The following SETDB1 variants were observed in gnomAD, a reference collection of about 807,000 sequenced individuals.
SETDB1 encodes the protein SET domain bifurcated histone lysine methyltransferase 1, also known as histone-lysine N-methyltransferase SETDB1.
A neutral mutation model predicts 137.4 loss-of-function variants in SETDB1; 31 were observed. That is an observed-to-expected ratio of 0.23 (90% CI 0.17 to 0.30). SETDB1 has a LOEUF of 0.30. Ranked by LOEUF, SETDB1 falls within the 10% of genes least tolerant of loss-of-function variation. The pLI, the probability that SETDB1 is intolerant of heterozygous loss-of-function variation, is 1.00. For missense variants in SETDB1, 1,113 were observed against 1,631.5 expected, an observed-to-expected ratio of 0.68 and a Z score of 5.47; for synonymous variants, 548 against 579.9, an observed-to-expected ratio of 0.95 and a Z score of 0.79.
chr1:150,954,133 C>T (rs993039865), intron 14 of SETDB1, among the ~76,000 whole-genome samples: 3 of 152,124 alleles, frequency 2.0e-5, no homozygotes, highest in African/African-American at 2.4e-5. Flanking sequence ...GGATTACAGG[C>T]GTGAGCCACC....
rs1670932268 is a variant in SETDB1, at chr1:150,964,579, A to G, written c.*215A>G. The G allele has an allele frequency of 7.2e-6, 5 of 693,476 alleles. No homozygotes were observed. The highest frequency in any genetic ancestry group is 1.3e-5 in the Non-Finnish European group (5 of 379,744). 43.0% of individuals were successfully genotyped at this position (693,476 alleles called of 1,614,324 possible). On this transcript the variant is annotated 3_prime_UTR_variant, in exon 22 of 22. Coordinates refer to ENST00000692827, the MANE Select transcript of SETDB1 (RefSeq NM_001366418.1). The stretch of plus-strand genomic sequence containing the variant: ...TCCAAAGGCCCTAAAGGGTGGGGAG[A>G]GATCACCACTCTAACCTCGGCCTGA...
intron 4 of SETDB1, among the ~76,000 whole-genome samples, chr1:150,940,885 C>T (rs1670120201): frequency 6.6e-6 from 1 of 152,054 alleles, no homozygotes; most frequent in South Asian, 2.1e-4. Context: ...GTAGTCCCAG[C>T]TGCTTTGGAG....
At chr1:150,939,251 A>ATTTTT (rs71580343) in intron 3 of SETDB1, among the ~76,000 whole-genome samples, 1 of 107,186 alleles carries the variant, frequency 9.3e-6, no homozygotes. Flanking sequence ...TGCACCCAGC[A>ATTTTT]TTTTTTTTTT....
intron 2 of SETDB1, among the ~76,000 whole-genome samples, chr1:150,929,363 T>A (rs587619351): frequency 1.4e-4 from 21 of 149,088 alleles, no homozygotes; most frequent in African/African-American, 2.7e-4. Flanking sequence ...AGCATTTTTT[T>A]ATTTTATTTT....
chr1:150,960,963 C>T lies in SETDB1; in HGVS notation c.2904C>T (p.Gly968=). ...IPVPPSIPVG[G]CNPPSSEETP... ...TTCCTCCCTCAATCCCTGTAGGTGG[C>T]TGCAATCCACCTTCCTCCGAAGAGA... Residue 968 remains glycine (G), a synonymous_variant, in exon 16 of 22, where the codon GGC becomes GGT. Coordinates refer to ENST00000692827, the MANE Select transcript of SETDB1 (RefSeq NM_001366418.1). The T allele has an allele frequency of 3.1e-6, 5 of 1,614,000 alleles. No individual in the cohort carries two copies. The highest frequency in any genetic ancestry group is 4.2e-6 in the Non-Finnish European group (5 of 1,179,972).
At position 150,963,758 on chromosome 1, in the gene SETDB1, C is replaced by G. The variant is rs774489923; in HGVS notation, c.3672+17C>G. The stretch of plus-strand genomic sequence containing the variant: ...TACCTCAACGTGAGACCCCTCTCCC[C>G]ACCTCTAGATGCTGGATTATCCCAT... On this transcript the variant is annotated intron_variant, in intron 20 of 21. Transcript: ENST00000692827. 1.1e-5 allele frequency: 18 copies of G among 1,610,270 alleles called. No individual in the cohort carries two copies. The highest frequency in any genetic ancestry group is 1.4e-5 in the Non-Finnish European group (17 of 1,176,538).
chr1:150,926,852 T>C (rs1669540784), intron 1 of SETDB1: 1 of 533,138 alleles, frequency 1.9e-6, no homozygotes. Context: ...CTCTGTACTT[T>C]GGGGGAAACC....
chr1:150,933,291 C>T (rs1669824000), intron 3 of SETDB1, among the ~76,000 whole-genome samples: 1 of 151,698 alleles, frequency 6.6e-6, no homozygotes, highest in Admixed American at 6.6e-5. Flanking sequence ...AACTCCTGAG[C>T]TCAGGCAATC....
At chr1:150,938,212 T>C (rs773484785) in intron 3 of SETDB1, among the ~76,000 whole-genome samples, 40 of 72,668 alleles carry the variant, frequency 5.5e-4, no homozygotes, top group Non-Finnish European at 9.4e-4. Context: ...AGAGCAAGAT[T>C]CCATCTCAAA....
At position 150,949,363 on chromosome 1, in the gene SETDB1, C is replaced by G; in HGVS notation, c.1425-4C>G. ...ACTATATGCCCTCTTCTCTAATCTCCTAGAAGCTTGGAAAGCCAGCTTGCC... is the reference window on the plus strand; with the variant it reads ...ACTATATGCCCTCTTCTCTAATCTCGTAGAAGCTTGGAAAGCCAGCTTGCC... On this transcript the variant is annotated splice_region_variant and splice_polypyrimidine_tract_variant and intron_variant, in intron 11 of 21. Coordinates refer to ENST00000692827, the MANE Select transcript of SETDB1 (RefSeq NM_001366418.1). 6.2e-7 allele frequency: 1 copy of G among 1,614,138 alleles called. No individual in the cohort carries two copies. The highest frequency in any genetic ancestry group is 8.5e-7 in the Non-Finnish European group (1 of 1,179,996).
intron 3 of SETDB1, among the ~76,000 whole-genome samples, chr1:150,938,849 C>T (rs1408141890): frequency 3.0e-5 from 4 of 133,784 alleles, no homozygotes; most frequent in East Asian, 4.4e-4. Flanking sequence ...TTTTTTGAGA[C>T]GGGGTCTTAC....
chr1:150,930,682 G>A (rs1416968181), intron 3 of SETDB1, among the ~76,000 whole-genome samples: 1 of 151,220 alleles, frequency 6.6e-6, no homozygotes, highest in African/African-American at 2.4e-5. Context: ...CAAACCCCCT[G>A]CCCCACCACC....
intron 3 of SETDB1, among the ~76,000 whole-genome samples, chr1:150,939,494 T>C (rs1670063823): frequency 4.6e-5 from 7 of 150,984 alleles, no homozygotes. Flanking sequence ...CCATCTAATT[T>C]TTGTATTTTT....
At chr1:150,929,424 G>A (rs587731916) in intron 2 of SETDB1, among the ~76,000 whole-genome samples, 2 of 151,454 alleles carry the variant, frequency 1.3e-5, no homozygotes, top group African/African-American at 4.9e-5. Context: ...TCTCACCCAG[G>A]CTGGAGTACA....
intron 3 of SETDB1, among the ~76,000 whole-genome samples, chr1:150,931,622 TAAAAAATAAAAAATAA>T (rs1669751626): frequency 1.1e-5 from 1 of 87,690 alleles, no homozygotes; most frequent in African/African-American, 4.4e-5. Flanking sequence ...AAAAAAAAAT[TAAAAAATAAAAAATAA>T]AAAAAATAAA....
At chr1:150,943,112 C>A (rs905627671) in intron 7 of SETDB1, 59 bp downstream of exon 7, 2 of 1,230,600 alleles carry the variant, frequency 1.6e-6, no homozygotes, top group South Asian at 1.2e-5. Context: ...CTGCCCTGTT[C>A]GTGCCATAGA....
intron 4 of SETDB1, 125 bp downstream of exon 4, chr1:150,940,099 C>T (rs766791222): frequency 2.3e-5 from 14 of 603,404 alleles, no homozygotes; most frequent in African/African-American, 7.3e-5. Flanking sequence ...CAGCCCTTTG[C>T]GTTGCAGTCC....
In SETDB1 at chr1:150,927,836, G is replaced by A. The variant is rs772551762; in HGVS notation, c.122G>A (p.Arg41Gln). ...CTGGGTATCTCTATGGAGGAACTTC[G>A]GCATTTCATCGATGAGGAACTGGAG... Reference protein sequence around the residue: ...EELGISMEELRHFIDEELEKM... With the variant: ...EELGISMEELQHFIDEELEKM... Residue 41 changes from arginine (R) to glutamine (Q), a missense_variant, in exon 2 of 22, where the codon CGG (arginine) becomes CAG (glutamine). By Grantham distance (43) the Arg-to-Gln change is conservative. Around this residue, in one of 11 missense-constraint regions of SETDB1, gnomAD observed 159 missense variants for 188.6 expected, o/e 0.84. Coordinates refer to ENST00000692827, the MANE Select transcript of SETDB1 (RefSeq NM_001366418.1). The A allele has an allele frequency of 4.0e-5, 65 of 1,613,992 alleles. No homozygotes were observed. In the South Asian group the frequency reaches 6.3e-4, roughly 16 times the overall value.
chr1:150,927,448 T>C (rs113333045), intron 1 of SETDB1, among the ~76,000 whole-genome samples: 150 of 152,306 alleles, frequency 9.8e-4, no homozygotes, highest in African/African-American at 3.5e-3. Flanking sequence ...TCAGTAGCTC[T>C]CTACTGCTTA....
Sources: allele counts gnomAD v4.1 joint callset (sites outside exome capture counted in the v4.1 genomes callset), GRCh38; gene constraint gnomAD v4.1.1; regional missense constraint gnomAD v4.1.1; transcripts MANE v1.5; gene names NCBI Gene and HGNC (gene_info 2026-07-23, HGNC 2026-07-21).